The following NPNT variants were observed in gnomAD, a reference collection of about 807,000 sequenced individuals.
The protein encoded by NPNT is nephronectin.
In NPNT, 45 loss-of-function variants were observed where a neutral mutation model predicts 68.6. The observed-to-expected ratio is 0.66, with a 90% CI of 0.52 to 0.84. The LOEUF (loss-of-function observed/expected upper bound fraction) is 0.84. Ranked by LOEUF, NPNT falls within the 40% of genes least tolerant of loss-of-function variation. The probability of loss-of-function intolerance (pLI) is 0.00; values close to 1 mark genes in which losing one functional copy is unlikely to be tolerated. For synonymous variants in NPNT, 233 were observed against 253.3 expected, an observed-to-expected ratio of 0.92 and a Z score of 0.76; for missense variants, 672 against 714.8, an observed-to-expected ratio of 0.94 and a Z score of 0.68.
At position 105,958,543 on chromosome 4, in the gene NPNT, C is replaced by A; in HGVS notation, c.1232C>A (p.Ala411Glu). 1 of 1,596,322 alleles carries A rather than the reference C, an allele frequency of 6.3e-7. No homozygotes were observed. The highest frequency in any genetic ancestry group is 8.6e-7 in the Non-Finnish European group (1 of 1,165,364). ...AGAGGAGTCAGTGCAGACGATGAAGCAAAGGATGATCCAGGTGACACTTAC... is the reference window on the plus strand; with the variant it reads ...AGAGGAGTCAGTGCAGACGATGAAGAAAAGGATGATCCAGGTGACACTTAC... ...IERGVSADDE[A>E]KDDPGVLVHS... is the part of the protein sequence containing the mutation. The change falls in exon 9 of 12, where the codon GCA becomes GAA. Residue 411 changes from alanine (A) to glutamate (E), a missense_variant. Physicochemically the swap from Ala to Glu is moderately radical, Grantham distance 107. Transcript: ENST00000379987.
intron 2 of NPNT, among the ~76,000 whole-genome samples, chr4:105,914,440 A>G (rs1410257435): frequency 7.1e-6 from 1 of 140,158 alleles, no homozygotes; most frequent in Non-Finnish European, 1.5e-5. Flanking sequence ...TTATATAAAT[A>G]TTACATATAC....
At chr4:105,938,533 C>T in intron 5 of NPNT, 113 bp downstream of exon 5, 1 of 1,051,832 alleles carries the variant, frequency 9.5e-7, no homozygotes, top group Non-Finnish European at 1.4e-6. Flanking sequence ...AGATAATTAG[C>T]TATCGTTCAG....
chr4:105,927,522 ATT>A (rs1170342404), intron 3 of NPNT, 94 bp downstream of exon 3: 25 of 613,506 alleles, frequency 4.1e-5, no homozygotes, highest in African/African-American at 3.9e-4. Context: ...TTCCATGGCT[ATT>A]TTTCCAAAAT....
intron 2 of NPNT, among the ~76,000 whole-genome samples, chr4:105,917,616 A>AC (rs1727924029): frequency 6.6e-6 from 1 of 152,202 alleles, no homozygotes; most frequent in Non-Finnish European, 1.5e-5. Context: ...AGAAGTATGC[A>AC]CAGAGGCTTA....
chr4:105,922,536 C>G (rs1279174920), intron 2 of NPNT, among the ~76,000 whole-genome samples: 1 of 151,786 alleles, frequency 6.6e-6, no homozygotes, highest in African/African-American at 2.4e-5. Context: ...AGGTGCCCAC[C>G]ACCACACCTG....
chr4:105,909,719 C>T (rs942568002), intron 2 of NPNT, among the ~76,000 whole-genome samples: 1 of 152,084 alleles, frequency 6.6e-6, no homozygotes, highest in Non-Finnish European at 1.5e-5. Flanking sequence ...AAAAATATAG[C>T]ATGAAAATTA....
At position 105,947,842 on chromosome 4, in the gene NPNT, G is replaced by C. The variant is rs112975016; in HGVS notation, c.1159+5140G>C. On this transcript the variant is annotated intron_variant, in intron 8 of 11. Transcript: ENST00000379987. ...TCAAATCTGACCCAATACTGATCAC[G>C]GGGGGGTTTCTTTTAACATGTTTTG... 3.2e-3 allele frequency among the ~76,000 whole-genome samples: 491 copies of C among 151,946 alleles called. 3 individuals carry two copies. Among genetic ancestry groups the C allele is most frequent in the African/African-American group, 0.011 (467 of 41,428 alleles).
chr4:105,897,214 G>T (rs1725931392), intron 1 of NPNT, among the ~76,000 whole-genome samples: 1 of 152,144 alleles, frequency 6.6e-6, no homozygotes, highest in African/African-American at 2.4e-5. Context: ...CTTTCTTTAG[G>T]CATTATTTAC....
chr4:105,938,038 A>C (rs1729630449), intron 4 of NPNT, among the ~76,000 whole-genome samples: 1 of 152,178 alleles, frequency 6.6e-6, no homozygotes, highest in South Asian at 2.1e-4. Flanking sequence ...AGCTTGAGTA[A>C]TCTGGAAAAA....
chr4:105,912,332 T>C, intron 2 of NPNT: 1 of 862,744 alleles, frequency 1.2e-6, no homozygotes, highest in South Asian at 1.6e-5. Context: ...AAACAAAACA[T>C]TAGTTGTGTT....
At chr4:105,932,018 C>G (rs932591738) in intron 3 of NPNT, among the ~76,000 whole-genome samples, 9 of 152,134 alleles carry the variant, frequency 5.9e-5, no homozygotes, top group Non-Finnish European at 1.0e-4. Flanking sequence ...CAACAGTTAA[C>G]ATTTTTTTGC....
intron 3 of NPNT, among the ~76,000 whole-genome samples, chr4:105,931,640 C>T (rs1416754840): frequency 2.9e-5 from 4 of 135,626 alleles, no homozygotes; most frequent in Non-Finnish European, 4.6e-5. Flanking sequence ...CTGGCTAACA[C>T]GGTGAAACCC....
intron 8 of NPNT, among the ~76,000 whole-genome samples, chr4:105,950,129 T>C (rs1312237146): frequency 6.6e-6 from 1 of 152,200 alleles, no homozygotes; most frequent in African/African-American, 2.4e-5. Flanking sequence ...GTTTTAAAAA[T>C]TCATTGAAGG....
At chr4:105,944,336 T>C (rs1307875292) in intron 8 of NPNT, among the ~76,000 whole-genome samples, 1 of 152,200 alleles carries the variant, frequency 6.6e-6, no homozygotes, top group Non-Finnish European at 1.5e-5. Flanking sequence ...TTATGAGTGC[T>C]TAAGTAATTA....
At chr4:105,898,693 G>A (rs1726158753) in intron 2 of NPNT, among the ~76,000 whole-genome samples, 1 of 152,072 alleles carries the variant, frequency 6.6e-6, no homozygotes, top group Non-Finnish European at 1.5e-5. Context: ...TCAGAAAGCT[G>A]ATTTTCACCT....
intron 10 of NPNT, among the ~76,000 whole-genome samples, chr4:105,963,182 G>T (rs895085189): frequency 6.6e-6 from 1 of 152,012 alleles, no homozygotes; most frequent in Admixed American, 6.6e-5. Context: ...CCGAGATCAC[G>T]CCACTGTACT....
intron 10 of NPNT, among the ~76,000 whole-genome samples, chr4:105,965,160 C>G (rs1732016830): frequency 6.6e-6 from 1 of 152,022 alleles, no homozygotes. Flanking sequence ...TTTACCCTCC[C>G]TCCCCAAAAT....
At position 105,958,513 on chromosome 4, in the gene NPNT, T is replaced by C; in HGVS notation, c.1202T>C (p.Ile401Thr). ...PSNDLFEIFE[I>T]ERGVSADDEA... is the part of the protein sequence containing the mutation. ...AATGACTTGTTTGAAATATTTGAAATAGAAAGAGGAGTCAGTGCAGACGAT... is the reference window on the plus strand; with the variant it reads ...AATGACTTGTTTGAAATATTTGAAACAGAAAGAGGAGTCAGTGCAGACGAT... Residue 401 changes from isoleucine to threonine, a missense_variant, in exon 9 of 12, where the codon ATA becomes ACA. Ile to Thr is a moderately conservative substitution (Grantham distance 89). Transcript: ENST00000379987. 1 of 1,611,824 alleles carries C rather than the reference T, an allele frequency of 6.2e-7. No homozygotes were observed.
intron 2 of NPNT, among the ~76,000 whole-genome samples, chr4:105,906,116 A>G (rs1726871647): frequency 6.6e-6 from 1 of 152,174 alleles, no homozygotes; most frequent in Non-Finnish European, 1.5e-5. Context: ...GGTTTTTCAA[A>G]TGCAGATATG....
Sources: allele counts gnomAD v4.1 joint callset (sites outside exome capture counted in the v4.1 genomes callset), GRCh38; gene constraint gnomAD v4.1.1; transcripts MANE v1.5; gene names NCBI Gene and HGNC (gene_info 2026-07-23, HGNC 2026-07-21).